Variants in RFPL1 observed in about 807,000 individuals in gnomAD.
RFPL1 encodes the protein ret finger protein-like 1.
In RFPL1, 6 loss-of-function variants were observed where a neutral mutation model predicts 9.6. The ratio of observed to expected loss-of-function variants is 0.62; its 90% CI spans 0.34 to 1.23. The LOEUF (loss-of-function observed/expected upper bound fraction) is 1.23. Ranked by LOEUF, RFPL1 falls within the 50% of genes most tolerant of loss-of-function variation. RFPL1 has a pLI of 0.03. For missense variants in RFPL1, 352 were observed against 398.4 expected (o/e 0.88, Z 0.99); for synonymous variants, 145 against 149.4 (o/e 0.97, Z 0.22).
the RFPL1 span, among the ~76,000 whole-genome samples, chr22:29,403,310 A>G: frequency 6.6e-6 from 1 of 151,916 alleles, no homozygotes; most frequent in Non-Finnish European, 1.5e-5. Context: ...ACAGAAAGAC[A>G]CAAAGGTGGC....
At chr22:29,424,510 C>T in the RFPL1 span, among the ~76,000 whole-genome samples, 1 of 152,088 alleles carries the variant, frequency 6.6e-6, no homozygotes, top group East Asian at 1.9e-4. Flanking sequence ...GCATAATTTG[C>T]CCAAGGTCAA....
chr22:29,398,447 G>T, the RFPL1 span, among the ~76,000 whole-genome samples: 1 of 152,238 alleles, frequency 6.6e-6, no homozygotes, highest in South Asian at 2.1e-4. Context: ...TCCCCACGGG[G>T]CAGGCACAGT....
chr22:29,398,924 G>T, the RFPL1 span, among the ~76,000 whole-genome samples: 24,733 of 152,120 alleles, frequency 0.16, 2,192 homozygotes, highest in Non-Finnish European at 0.21. Context: ...AAGATAGCAG[G>T]GATGGGCCAC....
the RFPL1 span, among the ~76,000 whole-genome samples, chr22:29,432,474 A>G: frequency 6.6e-6 from 1 of 151,928 alleles, no homozygotes; most frequent in African/African-American, 2.4e-5. Context: ...CCCTTTCTAA[A>G]CCAAAGTATA....
chr22:29,409,449 A>G, the RFPL1 span, among the ~76,000 whole-genome samples: 3 of 152,124 alleles, frequency 2.0e-5, no homozygotes, highest in Non-Finnish European at 4.4e-5. Context: ...TGGTCCAGCA[A>G]CAGCTCGGTC....
chr22:29,420,330 C>T, the RFPL1 span, among the ~76,000 whole-genome samples: 1 of 152,234 alleles, frequency 6.6e-6, no homozygotes, highest in African/African-American at 2.4e-5. Flanking sequence ...ATTTCCTGAC[C>T]CCTTCTCTCT....
chr22:29,431,125 C>T, the RFPL1 span, among the ~76,000 whole-genome samples: 3 of 151,914 alleles, frequency 2.0e-5, no homozygotes, highest in Non-Finnish European at 4.4e-5. Flanking sequence ...ACTGAGCTGT[C>T]GGTGGAAGCT....
chr22:29,421,456 C>T, the RFPL1 span, among the ~76,000 whole-genome samples: 27 of 151,002 alleles, frequency 1.8e-4, no homozygotes, highest in Middle Eastern at 0.017. Flanking sequence ...CAAAACCCAC[C>T]CCTGGGACTC....
At chr22:29,398,205 C>T in the RFPL1 span, among the ~76,000 whole-genome samples, 1 of 152,220 alleles carries the variant, frequency 6.6e-6, no homozygotes, top group East Asian at 1.9e-4. Flanking sequence ...ATCTCTGTTA[C>T]TCCTTTGCTA....
the RFPL1 span, among the ~76,000 whole-genome samples, chr22:29,415,922 A>G: frequency 6.6e-6 from 1 of 152,214 alleles, no homozygotes; most frequent in Admixed American, 6.5e-5. Flanking sequence ...GCAACACCAG[A>G]GAGGATGGAA....
the RFPL1 span, among the ~76,000 whole-genome samples, chr22:29,404,309 T>C: frequency 7.9e-5 from 12 of 152,416 alleles, no homozygotes; most frequent in African/African-American, 2.9e-4. Flanking sequence ...TCTCAAAATG[T>C]TATTTTGCTA....
chr22:29,400,594 G>A, the RFPL1 span, among the ~76,000 whole-genome samples: 1 of 152,074 alleles, frequency 6.6e-6, no homozygotes, highest in Non-Finnish European at 1.5e-5. Context: ...TTACCATTTA[G>A]GATAAAAGTA....
At chr22:29,408,503 G>A in the RFPL1 span, among the ~76,000 whole-genome samples, 2 of 152,340 alleles carry the variant, frequency 1.3e-5, no homozygotes, top group East Asian at 1.9e-4. Context: ...GTTCTCCTAG[G>A]TCCCATTGAA....
upstream of RFPL1, among the ~76,000 whole-genome samples, chr22:29,433,957 C>T (rs1388544138): frequency 1.3e-5 from 2 of 152,042 alleles, no homozygotes; most frequent in East Asian, 3.9e-4. Flanking sequence ...AATTCTCCTT[C>T]TATTGGACTA....
the RFPL1 span, among the ~76,000 whole-genome samples, chr22:29,420,634 C>CTTTTTTTTTTTTTTT: frequency 1.3e-4 from 7 of 53,436 alleles, 3 homozygotes; most frequent in African/African-American, 2.4e-4. Flanking sequence ...TGGTTTTTTG[C>CTTTTTTTTTTTTTTT]TTTTTTTTTT....
the RFPL1 span, among the ~76,000 whole-genome samples, chr22:29,398,402 A>G: frequency 2.6e-5 from 4 of 152,202 alleles, no homozygotes; most frequent in Non-Finnish European, 1.5e-5. Flanking sequence ...CGCAAAAATC[A>G]TGAAACTGGA....
the RFPL1 span, among the ~76,000 whole-genome samples, chr22:29,425,735 G>C: frequency 6.6e-6 from 1 of 152,054 alleles, no homozygotes; most frequent in South Asian, 2.1e-4. Flanking sequence ...GGGAGGCCGC[G>C]GTGGGTGGAT....
chr22:29,435,190 G>A (rs866316645), upstream of RFPL1, among the ~76,000 whole-genome samples: 2 of 152,304 alleles, frequency 1.3e-5, no homozygotes, highest in Middle Eastern at 6.8e-3. Context: ...TGTTACAGTT[G>A]TCCTTTGGGT....
chr22:29,395,934 G>A, the RFPL1 span, among the ~76,000 whole-genome samples: 11 of 151,840 alleles, frequency 7.2e-5, no homozygotes, highest in Admixed American at 2.0e-4. Flanking sequence ...GATCATGCCC[G>A]TCCACTCCAG....
Sources: allele counts gnomAD v4.1 joint callset (sites outside exome capture counted in the v4.1 genomes callset), GRCh38; gene constraint gnomAD v4.1.1; transcripts MANE v1.5; gene names NCBI Gene and HGNC (gene_info 2026-07-23, HGNC 2026-07-21).